The following FTCDNL1 variants were observed in gnomAD, a reference collection of about 807,000 sequenced individuals.
FTCDNL1 encodes formiminotransferase N-terminal subdomain-containing protein.
Under a neutral mutation model 5.9 loss-of-function variants are expected in FTCDNL1, and 11 were observed. The observed-to-expected ratio is 1.87, with a 90% CI of 1.18 to 3.10. FTCDNL1 has a LOEUF of 3.10. FTCDNL1 is among the 30% of genes most tolerant of loss of function. The pLI is 0.00. For synonymous variants in FTCDNL1, 58 were observed against 24.8 expected, an observed-to-expected ratio of 2.34 and a Z score of -3.99; for missense variants, 115 against 65.5, an observed-to-expected ratio of 1.76 and a Z score of -2.61.
intron 3 of FTCDNL1, among the ~76,000 whole-genome samples, chr2:199,795,611 C>G (rs1700134802): frequency 6.6e-6 from 1 of 152,174 alleles, no homozygotes. Context: ...GAGTGGCACA[C>G]AGTAGATCAA....
the FTCDNL1 span, among the ~76,000 whole-genome samples, chr2:199,754,720 G>T: frequency 5.3e-5 from 8 of 152,150 alleles, no homozygotes; most frequent in African/African-American, 1.9e-4. Context: ...TGTGAACGTT[G>T]TTCACAGATT....
chr2:199,833,674 T>A (rs1404414704), intron 3 of FTCDNL1, among the ~76,000 whole-genome samples: 1 of 152,204 alleles, frequency 6.6e-6, no homozygotes. Flanking sequence ...GACAAACAAA[T>A]GCTTTGCATG....
the FTCDNL1 span, among the ~76,000 whole-genome samples, chr2:199,722,174 T>C: frequency 1.3e-5 from 2 of 152,246 alleles, no homozygotes; most frequent in African/African-American, 4.8e-5. Context: ...CAATTGCTTT[T>C]GGTGTTTTCA....
chr2:199,716,763 C>G, the FTCDNL1 span, among the ~76,000 whole-genome samples: 101 of 152,212 alleles, frequency 6.6e-4, no homozygotes, highest in Non-Finnish European at 1.2e-3. Flanking sequence ...TAGATTTAAC[C>G]TAAAATAACA....
chr2:199,836,796 T>G (rs1702777582), intron 3 of FTCDNL1, among the ~76,000 whole-genome samples: 1 of 150,288 alleles, frequency 6.7e-6, no homozygotes, highest in South Asian at 2.1e-4. Context: ...AGGGAAGGAG[T>G]AAAAGTCCAT....
chr2:199,845,627 C>G (rs756227188), intron 3 of FTCDNL1, among the ~76,000 whole-genome samples: 1 of 152,028 alleles, frequency 6.6e-6, no homozygotes, highest in Non-Finnish European at 1.5e-5. Flanking sequence ...AAGCTCTCTA[C>G]TAAACCTTAC....
At chr2:199,678,746 A>G in the FTCDNL1 span, among the ~76,000 whole-genome samples, 2 of 152,222 alleles carry the variant, frequency 1.3e-5, no homozygotes, top group African/African-American at 4.8e-5. Context: ...TTGGCATTTT[A>G]TTGTAGTTCT....
At chr2:199,755,666 G>A (rs537225748), downstream of FTCDNL1, among the ~76,000 whole-genome samples, 8 of 152,106 alleles carry the variant, frequency 5.3e-5, no homozygotes, top group East Asian at 1.4e-3. Flanking sequence ...TCATCGTTAC[G>A]GTCATTCCAG....
downstream of FTCDNL1, among the ~76,000 whole-genome samples, chr2:199,805,040 T>A (rs1700653528): frequency 6.6e-6 from 1 of 152,050 alleles, no homozygotes; most frequent in African/African-American, 2.4e-5. Context: ...TGCTGGGGCT[T>A]CTGAGGAGTG....
chr2:199,837,244 AT>A lies in FTCDNL1; in HGVS notation c.211+8830del, dbSNP rs35695460. Among the ~76,000 whole-genome samples, 314 of 152,348 alleles carry A rather than the reference AT, an allele frequency of 2.1e-3. 4 individuals are homozygous for A. In the East Asian group the frequency reaches 0.023, roughly 11 times the overall value. ...AAAGTCACTGGAAATCAATCTTAATATTTTAAGTACTTTCCCAATGCACAAT... is the reference window on the plus strand; with the variant it reads ...AAAGTCACTGGAAATCAATCTTAATATTTAAGTACTTTCCCAATGCACAAT... On this transcript the variant is annotated intron_variant, in intron 3 of 4. Coordinates refer to ENST00000420128, the MANE Select transcript of FTCDNL1 (RefSeq NM_001363886.2).
At chr2:199,695,775 G>A in the FTCDNL1 span, among the ~76,000 whole-genome samples, 1 of 152,232 alleles carries the variant, frequency 6.6e-6, no homozygotes, top group Admixed American at 6.5e-5. Context: ...TCCAGCCTGT[G>A]CAGAGTGCAG....
At chr2:199,789,424 A>G (rs1305783366) in intron 3 of FTCDNL1, among the ~76,000 whole-genome samples, 1 of 152,186 alleles carries the variant, frequency 6.6e-6, no homozygotes, top group Non-Finnish European at 1.5e-5. Flanking sequence ...ATAATTCAGT[A>G]GTCATCTCTA....
At chr2:199,703,029 T>C in the FTCDNL1 span, among the ~76,000 whole-genome samples, 1 of 151,980 alleles carries the variant, frequency 6.6e-6, no homozygotes, top group Non-Finnish European at 1.5e-5. Flanking sequence ...TGTTTGTTTG[T>C]TTGTTTGTTT....
chr2:199,715,489 C>A, the FTCDNL1 span, among the ~76,000 whole-genome samples: 6 of 152,276 alleles, frequency 3.9e-5, no homozygotes, highest in Middle Eastern at 3.4e-3. Flanking sequence ...GTAAGATGTG[C>A]CTTTGGTCCT....
the FTCDNL1 span, among the ~76,000 whole-genome samples, chr2:199,691,782 C>T: frequency 6.6e-6 from 1 of 152,134 alleles, no homozygotes; most frequent in Non-Finnish European, 1.5e-5. Flanking sequence ...TGCTCTTCCT[C>T]TACACTACAG....
At chr2:199,760,111 T>A (rs191403676), downstream of FTCDNL1, among the ~76,000 whole-genome samples, 5 of 152,230 alleles carry the variant, frequency 3.3e-5, no homozygotes, top group African/African-American at 1.2e-4. Context: ...TGAATCTGGA[T>A]TTGTTTTGAC....
chr2:199,747,407 T>C, the FTCDNL1 span, among the ~76,000 whole-genome samples: 2,295 of 152,212 alleles, frequency 0.015, 55 homozygotes, highest in East Asian at 0.15. Context: ...GAGTGTGCTG[T>C]GAAGAAGGGC....
chr2:199,829,305 C>T (rs577293747), intron 3 of FTCDNL1, among the ~76,000 whole-genome samples: 60 of 152,184 alleles, frequency 3.9e-4, no homozygotes, highest in African/African-American at 1.2e-3. Flanking sequence ...TACTGAAATG[C>T]TTTTTAAAAA....
At chr2:199,752,137 C>T in the FTCDNL1 span, among the ~76,000 whole-genome samples, 1 of 152,082 alleles carries the variant, frequency 6.6e-6, no homozygotes, top group Middle Eastern at 3.2e-3. Flanking sequence ...CCCTGTGATT[C>T]CTTCTCACCT....
Sources: allele counts gnomAD v4.1 joint callset (sites outside exome capture counted in the v4.1 genomes callset), GRCh38; gene constraint gnomAD v4.1.1; transcripts MANE v1.5; gene names NCBI Gene and HGNC (gene_info 2026-07-23, HGNC 2026-07-21).